The following MAST4 variants were observed in gnomAD, a reference collection of about 807,000 sequenced individuals.
The protein encoded by MAST4 is microtubule associated serine/threonine kinase family member 4.
A neutral mutation model predicts 162.7 loss-of-function variants in MAST4; 89 were observed. The observed-to-expected ratio is 0.55, with a 90% CI of 0.46 to 0.65. The LOEUF is 0.65. Ranked by LOEUF, MAST4 falls within the 30% of genes least tolerant of loss-of-function variation. MAST4 has a pLI of 0.00. For synonymous variants in MAST4, 1,479 were observed against 1,361.1 expected (o/e 1.09, Z -1.91); for missense variants, 3,153 against 3,374.0 (o/e 0.93, Z 1.62).
intron 4 of MAST4, among the ~76,000 whole-genome samples, chr5:66,934,459 G>A (rs1742498462): frequency 6.6e-6 from 1 of 152,078 alleles, no homozygotes; most frequent in Admixed American, 6.6e-5. Flanking sequence ...ACATGGCACT[G>A]AAATCATGGG....
chr5:66,965,055 G>C (rs1432477805), intron 4 of MAST4, among the ~76,000 whole-genome samples: 4 of 151,956 alleles, frequency 2.6e-5, no homozygotes, highest in Admixed American at 1.3e-4. Flanking sequence ...AATCGACTAG[G>C]GAAACAAATT....
At chr5:66,941,229 G>C (rs1743330460) in intron 4 of MAST4, among the ~76,000 whole-genome samples, 1 of 152,090 alleles carries the variant, frequency 6.6e-6, no homozygotes. Context: ...AGTTCCTAAA[G>C]AGGGAGTCAG....
intron 19 of MAST4, among the ~76,000 whole-genome samples, chr5:67,138,697 G>A (rs1306646236): frequency 6.6e-6 from 1 of 152,186 alleles, no homozygotes; most frequent in African/African-American, 2.4e-5. Flanking sequence ...GCCTCCCAAA[G>A]TGCTGGGATT....
chr5:66,919,660 G>GAAA (rs56802433), intron 4 of MAST4, among the ~76,000 whole-genome samples: 1,074 of 96,866 alleles, frequency 0.011, 15 homozygotes, highest in Middle Eastern at 0.028. Flanking sequence ...CTCCGTCACA[G>GAAA]AAAAAAAAAA....
At chr5:66,690,616 T>C (rs1748979247) in intron 1 of MAST4, among the ~76,000 whole-genome samples, 1 of 152,340 alleles carries the variant, frequency 6.6e-6, no homozygotes, top group South Asian at 2.1e-4. Context: ...CCAAGCAATT[T>C]TAGCCTTTCT....
intron 1 of MAST4, among the ~76,000 whole-genome samples, chr5:66,597,898 T>TAA (rs5868456): frequency 3.4e-5 from 5 of 146,870 alleles, no homozygotes; most frequent in Admixed American, 1.4e-4. Flanking sequence ...AGACTCAGTT[T>TAA]AAAAAAAAAA....
chr5:67,056,792 G>A (rs569658641), intron 5 of MAST4, among the ~76,000 whole-genome samples: 3 of 152,278 alleles, frequency 2.0e-5, no homozygotes, highest in Admixed American at 1.3e-4. Flanking sequence ...TGCCTCCTGG[G>A]TTCAAGAGAT....
chr5:66,720,256 T>A (rs1307283653), intron 1 of MAST4, among the ~76,000 whole-genome samples: 1 of 152,188 alleles, frequency 6.6e-6, no homozygotes, highest in East Asian at 1.9e-4. Flanking sequence ...ATACCAACGT[T>A]ATGCTGACTT....
intron 4 of MAST4, among the ~76,000 whole-genome samples, chr5:66,997,150 A>G (rs1231830134): frequency 6.6e-6 from 1 of 152,044 alleles, no homozygotes; most frequent in Admixed American, 6.6e-5. Context: ...TAATTCAAAT[A>G]TATCTATGTA....
chr5:66,853,312 G>GA (rs1209067879), intron 3 of MAST4, among the ~76,000 whole-genome samples: 2 of 152,128 alleles, frequency 1.3e-5, no homozygotes, highest in Non-Finnish European at 2.9e-5. Context: ...GTAGGTCACT[G>GA]AAAAATCATT....
At chr5:67,024,350 CACAT>C (rs113282292) in intron 4 of MAST4, among the ~76,000 whole-genome samples, 11,451 of 143,692 alleles carry the variant, frequency 0.08, 1,422 homozygotes, top group African/African-American at 0.28. Flanking sequence ...CACACACACA[CACAT>C]ACATATAGAT....
At chr5:66,604,344 A>C (rs1301148703) in intron 1 of MAST4, among the ~76,000 whole-genome samples, 7 of 152,210 alleles carry the variant, frequency 4.6e-5, no homozygotes, top group Non-Finnish European at 1.0e-4. Flanking sequence ...TCTCAGACAC[A>C]GTCGATATAA....
At chr5:67,025,821 G>A (rs1213517246) in intron 4 of MAST4, among the ~76,000 whole-genome samples, 2 of 152,172 alleles carry the variant, frequency 1.3e-5, no homozygotes, top group African/African-American at 4.8e-5. Flanking sequence ...ATGTGCCTCT[G>A]GAGGGCCCCA....
rs113658236 is a variant in MAST4, at chr5:66,885,212, CA to C, written c.643-14737del. On this transcript the variant is annotated intron_variant, in intron 3 of 28. Coordinates refer to ENST00000403625, the MANE Select transcript of MAST4 (RefSeq NM_001164664.2). ...CATGCAGTGTGATATGGTGCATCAC[CA>C]ATACTTGAAATAGACTGCAACAGGA... is the stretch of plus-strand genomic sequence containing the variant. 7.6e-3 allele frequency among the ~76,000 whole-genome samples: 1,155 copies of C among 152,200 alleles called. 20 individuals carry two copies. Among genetic ancestry groups the C allele is most frequent in the African/African-American group, 0.026 (1,094 of 41,512 alleles).
chr5:66,998,878 C>T (rs1427768894), intron 4 of MAST4, among the ~76,000 whole-genome samples: 2 of 152,190 alleles, frequency 1.3e-5, no homozygotes, highest in East Asian at 3.9e-4. Flanking sequence ...GAGCACAGCC[C>T]AGTAGAGGGA....
At chr5:67,138,860 G>A (rs1770012026) in intron 19 of MAST4, among the ~76,000 whole-genome samples, 1 of 152,114 alleles carries the variant, frequency 6.6e-6, no homozygotes, top group African/African-American at 2.4e-5. Context: ...TCAGACTAAG[G>A]ATGTTCAGCC....
At chr5:66,680,302 T>G (rs936214614) in intron 1 of MAST4, among the ~76,000 whole-genome samples, 12 of 152,212 alleles carry the variant, frequency 7.9e-5, no homozygotes, top group African/African-American at 2.9e-4. Context: ...CTAATTTATT[T>G]GGTTGTCTTA....
intron 1 of MAST4, among the ~76,000 whole-genome samples, chr5:66,727,151 T>G (rs1751573782): frequency 6.6e-6 from 1 of 152,164 alleles, no homozygotes; most frequent in Admixed American, 6.5e-5. Context: ...AAGTATGTTT[T>G]AAACTTATAG....
chr5:66,784,849 TC>T (rs902932501), intron 2 of MAST4, among the ~76,000 whole-genome samples: 3 of 152,154 alleles, frequency 2.0e-5, no homozygotes, highest in South Asian at 2.1e-4. Flanking sequence ...TAAGGTATTA[TC>T]CCCCTTTTAG....
Sources: allele counts gnomAD v4.1 joint callset (sites outside exome capture counted in the v4.1 genomes callset), GRCh38; gene constraint gnomAD v4.1.1; transcripts MANE v1.5; gene names NCBI Gene and HGNC (gene_info 2026-07-23, HGNC 2026-07-21).